The following UNC13C variants were observed in gnomAD, a reference collection of about 807,000 sequenced individuals.
UNC13C encodes the protein unc-13 homolog C.
A neutral mutation model predicts 245.4 loss-of-function variants in UNC13C; 174 were observed. The ratio of observed to expected loss-of-function variants is 0.71; its 90% CI spans 0.63 to 0.80. The LOEUF is 0.80. Among genes scored for constraint, UNC13C ranks in the 30% least tolerant of loss-of-function variants. The pLI, the probability that UNC13C is intolerant of heterozygous loss-of-function variation, is 0.00. For synonymous variants in UNC13C, 992 were observed against 895.1 expected (o/e 1.11, Z -1.93); for missense variants, 2,829 against 2,602.9 (o/e 1.09, Z -1.89).
chr15:54,482,007 G>A (rs1893147531), intron 19 of UNC13C, among the ~76,000 whole-genome samples: 1 of 152,196 alleles, frequency 6.6e-6, no homozygotes, highest in African/African-American at 2.4e-5. Flanking sequence ...GGGTTGCTCT[G>A]CATGGCAGTG....
At chr15:54,555,733 G>C (rs1057352389) in intron 29 of UNC13C, among the ~76,000 whole-genome samples, 2 of 151,736 alleles carry the variant, frequency 1.3e-5, no homozygotes, top group East Asian at 1.9e-4. Context: ...ATTTACCCCT[G>C]TCTATCTCCT....
chr15:53,856,471 C>A, the UNC13C span, among the ~76,000 whole-genome samples: 36 of 151,870 alleles, frequency 2.4e-4, no homozygotes, highest in African/African-American at 8.7e-4. Flanking sequence ...TTAGCTGTAC[C>A]CCAGAGATTC....
At chr15:54,549,542 A>T (rs1439534036) in intron 27 of UNC13C, 93 bp from the exon 28 acceptor site, 1 of 978,942 alleles carries the variant, frequency 1.0e-6, no homozygotes, top group Non-Finnish European at 1.5e-6. Context: ...CTTATAAGGG[A>T]AATAAAGAAA....
intron 19 of UNC13C, among the ~76,000 whole-genome samples, chr15:54,455,331 T>C (rs758018104): frequency 2.6e-4 from 39 of 149,718 alleles, no homozygotes; most frequent in Admixed American, 6.0e-4. Context: ...GCATGTGCAG[T>C]GTCTTTTTCA....
At chr15:54,250,089 T>C (rs1189722657) in intron 7 of UNC13C, 136 bp from the exon 8 acceptor site, 4 of 776,050 alleles carry the variant, frequency 5.2e-6, no homozygotes, top group Admixed American at 2.1e-5. Flanking sequence ...ACTGTCATCA[T>C]GACTTGAATC....
chr15:53,875,774 C>T, the UNC13C span, among the ~76,000 whole-genome samples: 4 of 152,142 alleles, frequency 2.6e-5, no homozygotes, highest in African/African-American at 9.7e-5. Context: ...ATCCTGTGTT[C>T]GATTTTCTGT....
At chr15:54,273,439 C>T (rs1406927112) in intron 10 of UNC13C, among the ~76,000 whole-genome samples, 1 of 152,154 alleles carries the variant, frequency 6.6e-6, no homozygotes, top group Admixed American at 6.5e-5. Context: ...TCTTGTTTTT[C>T]ACTTCCCCAT....
chr15:54,244,991 T>G (rs143039017), intron 7 of UNC13C, among the ~76,000 whole-genome samples: 123 of 152,268 alleles, frequency 8.1e-4, no homozygotes, highest in Non-Finnish European at 1.4e-3. Flanking sequence ...GCCGGAACTT[T>G]CAATACTATG....
At chr15:54,149,015 T>C (rs1193759731) in intron 4 of UNC13C, among the ~76,000 whole-genome samples, 2 of 152,154 alleles carry the variant, frequency 1.3e-5, no homozygotes. Flanking sequence ...GGTGATTGGA[T>C]CATGGGGGGC....
At chr15:53,940,072 C>G in the UNC13C span, among the ~76,000 whole-genome samples, 1 of 152,052 alleles carries the variant, frequency 6.6e-6, no homozygotes, top group Non-Finnish European at 1.5e-5. Flanking sequence ...TCTGTGTGGT[C>G]TGGATGGTTT....
chr15:54,322,532 C>G (rs1477113377), intron 14 of UNC13C, among the ~76,000 whole-genome samples: 1 of 151,902 alleles, frequency 6.6e-6, no homozygotes, highest in African/African-American at 2.4e-5. Flanking sequence ...TGGATAGTGG[C>G]ACATCCTCTA....
At chr15:54,600,488 A>G (rs949893764) in intron 30 of UNC13C, among the ~76,000 whole-genome samples, 1 of 152,138 alleles carries the variant, frequency 6.6e-6, no homozygotes, top group Admixed American at 6.6e-5. Context: ...AGATGAGCTC[A>G]GCTAGATTAA....
At chr15:54,377,598 A>G (rs548725823) in intron 17 of UNC13C, among the ~76,000 whole-genome samples, 101 of 152,358 alleles carry the variant, frequency 6.6e-4, no homozygotes, top group African/African-American at 2.4e-3. Flanking sequence ...TTTATAAGCA[A>G]CAGAAATTTA....
At position 54,368,527 on chromosome 15, in the gene UNC13C, A is replaced by T. The variant is rs113906046; in HGVS notation, c.4714-24521A>T. On this transcript the variant is annotated intron_variant, in intron 17 of 32. Transcript: ENST00000260323. ...AAAGAAAAATTCAACAAGTGCTATTAGGTACAACCAATGAGCCCCCGAGAA... is the reference window on the plus strand; with the variant it reads ...AAAGAAAAATTCAACAAGTGCTATTTGGTACAACCAATGAGCCCCCGAGAA... Among the ~76,000 whole-genome samples, 1,202 of 152,142 alleles carry T rather than the reference A, an allele frequency of 7.9e-3. 11 individuals are homozygous for T. The highest frequency in any genetic ancestry group is 0.028 in the African/African-American group (1,148 of 41,512).
intron 7 of UNC13C, among the ~76,000 whole-genome samples, chr15:54,241,299 A>G (rs16974360): frequency 0.11 from 16,184 of 152,130 alleles, 2,767 homozygotes; most frequent in African/African-American, 0.36. Context: ...AAAGGGACTG[A>G]AAAGAACTAG....
intron 14 of UNC13C, among the ~76,000 whole-genome samples, chr15:54,331,048 G>A (rs1398003): frequency 0.38 from 56,966 of 151,808 alleles, 11,759 homozygotes; most frequent in African/African-American, 0.54. Context: ...TCACTCCATC[G>A]AGATCAGTGA....
chr15:53,998,247 G>T (rs957558849), intron 1 of UNC13C, among the ~76,000 whole-genome samples: 29 of 152,102 alleles, frequency 1.9e-4, no homozygotes, highest in African/African-American at 7.0e-4. Context: ...TCACTTTGGG[G>T]AGAACTGATA....
intron 26 of UNC13C, among the ~76,000 whole-genome samples, chr15:54,536,315 G>A (rs1310387612): frequency 6.6e-6 from 1 of 151,930 alleles, no homozygotes; most frequent in African/African-American, 2.4e-5. Flanking sequence ...CCAATAATGA[G>A]TTCTGAAATG....
chr15:54,364,926 G>A (rs115562662), intron 17 of UNC13C, among the ~76,000 whole-genome samples: 1 of 152,304 alleles, frequency 6.6e-6, no homozygotes, highest in African/African-American at 2.4e-5. Context: ...TAACCACTGT[G>A]CAGATGAATG....
Sources: allele counts gnomAD v4.1 joint callset (sites outside exome capture counted in the v4.1 genomes callset), GRCh38; gene constraint gnomAD v4.1.1; transcripts MANE v1.5; gene names NCBI Gene and HGNC (gene_info 2026-07-23, HGNC 2026-07-21).